XPA: variants seen among roughly 807,000 people sequenced by gnomAD.
XPA encodes the protein XPA, DNA damage recognition and repair factor.
In XPA, 27 loss-of-function variants were observed where a neutral mutation model predicts 35.7. That is an observed-to-expected ratio of 0.76 (90% CI 0.56 to 1.04). The LOEUF (loss-of-function observed/expected upper bound fraction) is 1.04, where lower values mean the gene tolerates loss of function less well. XPA is among the 50% of genes least tolerant of loss of function. XPA has a pLI of 0.00. For synonymous variants in XPA, 133 were observed against 118.4 expected (o/e 1.12, Z -0.80); for missense variants, 354 against 342.7 (o/e 1.03, Z -0.26).
chr9:97,663,762 A>T, the XPA span, among the ~76,000 whole-genome samples: 1 of 151,972 alleles, frequency 6.6e-6, no homozygotes, highest in Non-Finnish European at 1.5e-5. Context: ...GCTAGATTAC[A>T]GGTGTGAGCC....
chr9:97,676,191 A>T (rs1372076125), intron 5 of XPA, among the ~76,000 whole-genome samples: 1 of 152,222 alleles, frequency 6.6e-6, no homozygotes, highest in Non-Finnish European at 1.5e-5. Flanking sequence ...ACAGAATGTT[A>T]AGAGCTGGAA....
At chr9:97,697,021 T>C (rs988013523) in intron 1 of XPA, 100 bp downstream of exon 1, 4 of 1,409,240 alleles carry the variant, frequency 2.8e-6, no homozygotes, top group East Asian at 2.6e-5. Flanking sequence ...GCCAGCGGAG[T>C]TGACGCGACC....
chr9:97,674,465 A>G (rs1435114459), downstream of XPA, among the ~76,000 whole-genome samples: 1 of 152,246 alleles, frequency 6.6e-6, no homozygotes. Flanking sequence ...TTCTATTTGT[A>G]CAGTAGGATA....
chr9:97,664,741 G>A, the XPA span, among the ~76,000 whole-genome samples: 14 of 152,174 alleles, frequency 9.2e-5, no homozygotes, highest in Non-Finnish European at 5.9e-5. Flanking sequence ...AGCCAGCTAT[G>A]TGCAGAGTCT....
chr9:97,660,243 C>G, the XPA span, among the ~76,000 whole-genome samples: 1 of 152,158 alleles, frequency 6.6e-6, no homozygotes, highest in Admixed American at 6.5e-5. Flanking sequence ...GTAACTCATA[C>G]TCTATAACAG....
chr9:97,691,948 A>T (rs72751548), intron 2 of XPA, among the ~76,000 whole-genome samples: 1 of 148,900 alleles, frequency 6.7e-6, no homozygotes, highest in Non-Finnish European at 1.5e-5. Context: ...AGAAGTCTTT[A>T]GGCTGAATGC....
intron 3 of XPA, among the ~76,000 whole-genome samples, chr9:97,688,837 TGAG>T (rs1327652777): frequency 2.0e-5 from 3 of 152,004 alleles, no homozygotes; most frequent in Non-Finnish European, 2.9e-5. Context: ...TTCAGGCAGG[TGAG>T]GAGTTGATTT....
intron 4 of XPA, among the ~76,000 whole-genome samples, chr9:97,685,543 TA>T (rs1467642077): frequency 6.6e-6 from 1 of 152,206 alleles, no homozygotes; most frequent in Non-Finnish European, 1.5e-5. Context: ...CAAGATGATG[TA>T]AAAAGTCTTC....
chr9:97,663,835 C>T, the XPA span, among the ~76,000 whole-genome samples: 1 of 151,726 alleles, frequency 6.6e-6, no homozygotes, highest in East Asian at 1.9e-4. Context: ...GTTTAGTCAA[C>T]CTGTTTCTTG....
chr9:97,654,752 A>G, the XPA span: 12 of 830,984 alleles, frequency 1.4e-5, no homozygotes, highest in Non-Finnish European at 2.1e-5. Context: ...AACAAGATTG[A>G]TTGTGTGAAA....
Position 97,687,580 on chromosome 9 carries a change from T to A in XPA, c.390-319A>T, listed in dbSNP as rs554545446. ...ACCAGTGTAACTAGAAGACCTGAAG[T>A]AAGCGATGGTGAGGAGTGGTGGGAG... On this transcript the variant is annotated intron_variant, in intron 3 of 5. Coordinates refer to ENST00000375128, the MANE Select transcript of XPA (RefSeq NM_000380.4). Among the ~76,000 whole-genome samples the A allele has an allele frequency of 5.3e-5, 8 of 152,172 alleles. No homozygotes were observed. In the East Asian group the frequency reaches 1.4e-3, roughly 26 times the overall value.
chr9:97,684,111 C>T (rs745758296), intron 5 of XPA, among the ~76,000 whole-genome samples: 73 of 152,148 alleles, frequency 4.8e-4, no homozygotes, highest in Non-Finnish European at 8.5e-4. Context: ...CCTGCAGCAC[C>T]GCACGTTCAT....
chr9:97,689,507 A>G, intron 3 of XPA, 27 bp downstream of exon 3: 1 of 1,431,752 alleles, frequency 7.0e-7, no homozygotes, highest in Non-Finnish European at 9.9e-7. Context: ...AACATTAGCA[A>G]TTAAGAACAC....
intron 5 of XPA, among the ~76,000 whole-genome samples, chr9:97,684,502 G>C (rs1466070986): frequency 6.6e-6 from 1 of 152,110 alleles, no homozygotes; most frequent in Non-Finnish European, 1.5e-5. Flanking sequence ...TAAAATAAAA[G>C]TTCCTTCTAG....
chr9:97,678,776 G>A (rs534134059), intron 5 of XPA, among the ~76,000 whole-genome samples: 1 of 152,098 alleles, frequency 6.6e-6, no homozygotes, highest in Non-Finnish European at 1.5e-5. Flanking sequence ...ATAGACATCA[G>A]TGCCTCCAGA....
At chr9:97,673,252 T>G (rs1402852289), downstream of XPA, 1 of 152,148 alleles carries the variant, frequency 6.6e-6, no homozygotes, top group East Asian at 1.9e-4. Flanking sequence ...ACATGCAAAT[T>G]TTTTACTGTG....
downstream of XPA, chr9:97,672,427 G>C (rs1291826560): frequency 6.6e-6 from 1 of 152,048 alleles, no homozygotes; most frequent in East Asian, 1.9e-4. Context: ...CTTAATAAAT[G>C]GGAATTCCTA....
In XPA at chr9:97,675,228, A is replaced by G; in HGVS notation, c.*211T>C. ...CTGTTGTAAGAAGGCAATCACAGAC[A>G]TGACATTGTGCACACAACCAGGCCA... On this transcript the variant is annotated 3_prime_UTR_variant, in exon 6 of 6. Transcript: ENST00000375128. 1 of 670,642 alleles carries G rather than the reference A, an allele frequency of 1.5e-6. No homozygotes were observed. The highest frequency in any genetic ancestry group is 2.7e-6 in the Non-Finnish European group (1 of 371,330). 41.5% of individuals were successfully genotyped at this position (670,642 alleles called of 1,614,324 possible).
At chr9:97,688,851 A>G (rs1458461912) in intron 3 of XPA, among the ~76,000 whole-genome samples, 1 of 152,202 alleles carries the variant, frequency 6.6e-6, no homozygotes, top group Admixed American at 6.5e-5. Context: ...GAGTTGATTT[A>G]GGACTGTAGG....
Sources: gnomAD v4.1 joint callset for allele counts (sites outside exome capture counted in the v4.1 genomes callset) on GRCh38, gnomAD v4.1.1 for gene constraint, MANE v1.5 for transcripts, NCBI Gene and HGNC (gene_info 2026-07-23, HGNC 2026-07-21) for gene names.